SH3PXD2B: variants seen among roughly 807,000 people sequenced by gnomAD.
SH3PXD2B encodes the protein SH3 and PX domain-containing protein 2B.
A neutral mutation model predicts 73.1 loss-of-function variants in SH3PXD2B; 37 were observed. The observed-to-expected ratio is 0.51, with a 90% confidence interval of 0.39 to 0.67. The LOEUF (loss-of-function observed/expected upper bound fraction) is 0.67, where lower values mean the gene tolerates loss of function less well. Among genes scored for constraint, SH3PXD2B ranks in the 30% least tolerant of loss-of-function variants. The pLI, the probability that SH3PXD2B is intolerant of heterozygous loss-of-function variation, is 0.00. For synonymous variants in SH3PXD2B, 457 were observed against 480.5 expected (o/e 0.95, Z 0.64); for missense variants, 1,053 against 1,197.8 (o/e 0.88, Z 1.78).
At chr5:172,392,112 T>C (rs1758204427) in intron 4 of SH3PXD2B, among the ~76,000 whole-genome samples, 1 of 152,026 alleles carries the variant, frequency 6.6e-6, no homozygotes, top group African/African-American at 2.4e-5. Context: ...CCTATTTATA[T>C]ATTAAAGACC....
downstream of SH3PXD2B, among the ~76,000 whole-genome samples, chr5:172,330,047 A>G (rs1756527344): frequency 6.6e-6 from 1 of 152,108 alleles, no homozygotes. Flanking sequence ...TAGGACCAGA[A>G]GTGTTGTGGG....
intron 3 of SH3PXD2B, among the ~76,000 whole-genome samples, chr5:172,396,372 C>T (rs530044601): frequency 9.3e-5 from 14 of 150,720 alleles, no homozygotes; most frequent in Admixed American, 2.0e-4. Context: ...AGTGAGACTC[C>T]GTCTCAAAAA....
chr5:172,407,781 T>C (rs1340189228), intron 2 of SH3PXD2B, among the ~76,000 whole-genome samples: 2 of 152,214 alleles, frequency 1.3e-5, no homozygotes, highest in Non-Finnish European at 2.9e-5. Flanking sequence ...GAGATATGTA[T>C]ACGAAACACC....
intron 8 of SH3PXD2B, among the ~76,000 whole-genome samples, chr5:172,354,258 G>A (rs917897256): frequency 1.8e-4 from 27 of 152,124 alleles, no homozygotes; most frequent in African/African-American, 4.8e-4. Context: ...TCTGTGCTTC[G>A]AGTTCACCTT....
In SH3PXD2B at chr5:172,359,029, C is replaced by T. The variant is rs1757343122; in HGVS notation, c.563-152G>A. 8 of 772,056 alleles carry T rather than the reference C, an allele frequency of 1.0e-5. No individual in the cohort carries two copies. In the South Asian group the frequency reaches 1.2e-4, roughly 12 times the overall value. The allele number at this position is 772,056 out of a possible 1,614,324, so 47.8% of individuals were successfully genotyped here. A position where few individuals can be genotyped will look rare whatever the true frequency, so the allele number is the denominator to read the frequency against. ...TGGTAGAACACAACTACCAATGTTA[C>T]CTGCTAACTGCTAAAAGCAGGTCCA... On this transcript the variant is annotated intron_variant, in intron 7 of 12. Coordinates refer to ENST00000311601, the MANE Select transcript of SH3PXD2B (RefSeq NM_001017995.3).
At position 172,444,867 on chromosome 5, in the gene SH3PXD2B, T is replaced by C. The variant is rs75047005; in HGVS notation, c.75+9411A>G. On this transcript the variant is annotated intron_variant, in intron 1 of 12. Coordinates refer to ENST00000311601, the MANE Select transcript of SH3PXD2B (RefSeq NM_001017995.3). ...TGGCCTCAGCCTTCGTGTGCTGTACTGGAGCTATGGCCTTCCTGGGGGGGG... is the reference window on the plus strand; with the variant it reads ...TGGCCTCAGCCTTCGTGTGCTGTACCGGAGCTATGGCCTTCCTGGGGGGGG... Among the ~76,000 whole-genome samples, 588 of 152,312 alleles carry C rather than the reference T, an allele frequency of 3.9e-3. 4 individuals are homozygous for C. The highest frequency in any genetic ancestry group is 0.013 in the African/African-American group (560 of 41,578).
chr5:172,410,336 T>C (rs1758663823), intron 2 of SH3PXD2B, among the ~76,000 whole-genome samples: 1 of 152,184 alleles, frequency 6.6e-6, no homozygotes, highest in Non-Finnish European at 1.5e-5. Flanking sequence ...TGGTTTTGAG[T>C]CATTGTCCCC....
At chr5:172,444,575 G>C (rs1403209144) in intron 1 of SH3PXD2B, among the ~76,000 whole-genome samples, 2 of 152,202 alleles carry the variant, frequency 1.3e-5, no homozygotes, top group Non-Finnish European at 2.9e-5. Context: ...TGAATCTTGA[G>C]AACAAAACAA....
At chr5:172,390,424 A>T (rs2113390086) in intron 4 of SH3PXD2B, among the ~76,000 whole-genome samples, 1 of 152,230 alleles carries the variant, frequency 6.6e-6, no homozygotes, top group Non-Finnish European at 1.5e-5. Context: ...TTGCTCTGTC[A>T]CCCAGGCTGG....
At position 172,378,068 on chromosome 5, in the gene SH3PXD2B, T is replaced by C. The variant is rs118060141; in HGVS notation, c.401+3968A>G. 3.2e-4 allele frequency among the ~76,000 whole-genome samples: 49 copies of C among 151,774 alleles called. No individual in the cohort carries two copies. The East Asian group carries it at 9.3e-3, about 29-fold the overall frequency. ...CCACCAAAGAGAGGAAGCCAGAGAG[T>C]ACCACAAAGCCACCATGCAGCCTCC... is the stretch of plus-strand genomic sequence containing the variant. On this transcript the variant is annotated intron_variant, in intron 5 of 12. Transcript: ENST00000311601.
At chr5:172,332,180 A>G (rs1561885726), downstream of SH3PXD2B, among the ~76,000 whole-genome samples, 1 of 151,942 alleles carries the variant, frequency 6.6e-6, no homozygotes, top group Non-Finnish European at 1.5e-5. Flanking sequence ...TGTTATGATT[A>G]AGCACTCTTG....
intron 6 of SH3PXD2B, among the ~76,000 whole-genome samples, chr5:172,368,512 AAAAT>A (rs1757592567): frequency 3.9e-5 from 1 of 25,676 alleles, no homozygotes; most frequent in Non-Finnish European, 5.6e-5. Context: ...ATATATATAT[AAAAT>A]ATATATATAT....
intron 3 of SH3PXD2B, among the ~76,000 whole-genome samples, chr5:172,396,097 A>T (rs544713427): frequency 6.6e-6 from 1 of 151,230 alleles, no homozygotes; most frequent in East Asian, 2.0e-4. Flanking sequence ...TCACGCCTGT[A>T]ATCCCAGCAG....
intron 8 of SH3PXD2B, among the ~76,000 whole-genome samples, chr5:172,355,194 T>A (rs1757243334): frequency 6.6e-6 from 1 of 152,234 alleles, no homozygotes; most frequent in Non-Finnish European, 1.5e-5. Flanking sequence ...AAATACCACA[T>A]GCCGTCCGCG....
rs150804100 is a variant in SH3PXD2B, at chr5:172,365,060, C to T, written c.428-2191G>A. Among the ~76,000 whole-genome samples, 8 of 152,284 alleles carry T rather than the reference C, an allele frequency of 5.3e-5. No individual in the cohort carries two copies. The East Asian group carries it at 1.5e-3, about 29-fold the overall frequency. ...CTCTGTGCCCATGCTCTGGCCACTCCCCCTCCCTGCCTGAGGGTAACAGGG... is the reference window on the plus strand; with the variant it reads ...CTCTGTGCCCATGCTCTGGCCACTCTCCCTCCCTGCCTGAGGGTAACAGGG... On this transcript the variant is annotated intron_variant, in intron 6 of 12. Transcript: ENST00000311601.
chr5:172,333,423 C>A, downstream of SH3PXD2B: 1 of 923,516 alleles, frequency 1.1e-6, no homozygotes, highest in South Asian at 2.5e-5. Flanking sequence ...GGTTTCTGTT[C>A]TTTGATCCCG....
chr5:172,363,079 G>C (rs1757434627), intron 6 of SH3PXD2B, among the ~76,000 whole-genome samples: 1 of 152,180 alleles, frequency 6.6e-6, no homozygotes, highest in Non-Finnish European at 1.5e-5. Context: ...GGCACTGGGG[G>C]TTCAGAGTTG....
chr5:172,330,274 T>C (rs991190964), downstream of SH3PXD2B, among the ~76,000 whole-genome samples: 3 of 152,160 alleles, frequency 2.0e-5, no homozygotes, highest in Admixed American at 6.5e-5. Flanking sequence ...GGTAGAGCAA[T>C]AGCAAGTAGG....
At chr5:172,451,016 T>C (rs11952701) in intron 1 of SH3PXD2B, among the ~76,000 whole-genome samples, 1,940 of 152,344 alleles carry the variant, frequency 0.013, 38 homozygotes, top group African/African-American at 0.044. Flanking sequence ...CTTCTGGCCC[T>C]GCATTCTCCA....
Sources: allele counts gnomAD v4.1 joint callset (sites outside exome capture counted in the v4.1 genomes callset), GRCh38; gene constraint gnomAD v4.1.1; transcripts MANE v1.5; gene names NCBI Gene and HGNC (gene_info 2026-07-23, HGNC 2026-07-21).